The following SLC14A2 variants were observed in gnomAD, a reference collection of about 807,000 sequenced individuals.
SLC14A2 encodes urea transporter 2.
In SLC14A2, 91 loss-of-function variants were observed where a neutral mutation model predicts 104.6. The ratio of observed to expected loss-of-function variants is 0.87; its 90% confidence interval spans 0.73 to 1.04. SLC14A2 has a LOEUF of 1.04. Ranked by LOEUF, SLC14A2 falls within the 50% of genes least tolerant of loss-of-function variation. The pLI, the probability that SLC14A2 is intolerant of heterozygous loss-of-function variation, is 0.00. For missense variants in SLC14A2, 1,189 were observed against 1,156.0 expected (o/e 1.03, Z -0.41); for synonymous variants, 476 against 466.4 (o/e 1.02, Z -0.27).
intron 2 of SLC14A2, among the ~76,000 whole-genome samples, chr18:45,523,335 G>C (rs181187152): frequency 1.3e-5 from 2 of 150,670 alleles, no homozygotes; most frequent in African/African-American, 2.4e-5. Context: ...TTGTTTCTTT[G>C]TTTGTTTGTT....
intron 1 of SLC14A2, among the ~76,000 whole-genome samples, chr18:45,353,082 G>A (rs2085518571): frequency 6.6e-6 from 1 of 152,198 alleles, no homozygotes; most frequent in Non-Finnish European, 1.5e-5. Flanking sequence ...TGTGGCTGCT[G>A]GGATTGGCCA....
At chr18:45,442,277 C>T (rs924223404) in intron 1 of SLC14A2, among the ~76,000 whole-genome samples, 19 of 152,146 alleles carry the variant, frequency 1.2e-4, no homozygotes, top group Non-Finnish European at 2.1e-4. Flanking sequence ...CACAAAGTGC[C>T]GCAAACTGGA....
At chr18:45,668,064 G>A (rs758742804) in intron 14 of SLC14A2, 42 bp downstream of exon 14, 6 of 1,577,830 alleles carry the variant, frequency 3.8e-6, no homozygotes, top group East Asian at 2.2e-5. Context: ...TAGCCAAGAA[G>A]TCACTCCCCA....
intron 2 of SLC14A2, among the ~76,000 whole-genome samples, chr18:45,571,258 A>G (rs1040727668): frequency 1.3e-5 from 2 of 152,264 alleles, no homozygotes; most frequent in Non-Finnish European, 2.9e-5. Flanking sequence ...TATTTAATAA[A>G]TTCTTTGTGC....
At chr18:45,318,120 G>T (rs72906658) in intron 1 of SLC14A2, among the ~76,000 whole-genome samples, 1 of 152,166 alleles carries the variant, frequency 6.6e-6, no homozygotes, top group African/African-American at 2.4e-5. Context: ...ATTGAGACGC[G>T]CCTCTTTGGA....
intron 1 of SLC14A2, among the ~76,000 whole-genome samples, chr18:45,383,275 G>C (rs2085857924): frequency 6.6e-6 from 1 of 152,174 alleles, no homozygotes; most frequent in Non-Finnish European, 1.5e-5. Context: ...TCTATTCAGT[G>C]ATGCGCAGAA....
At chr18:45,537,065 CCCTTCCTT>C (rs1228820306) in intron 2 of SLC14A2, among the ~76,000 whole-genome samples, 8 of 97,648 alleles carry the variant, frequency 8.2e-5, no homozygotes, top group African/African-American at 2.4e-4. Context: ...CTCCCTCCCT[CCCTTCCTT>C]CCTTCCTTCC....
At chr18:45,374,891 A>C (rs565214674) in intron 1 of SLC14A2, among the ~76,000 whole-genome samples, 20 of 152,204 alleles carry the variant, frequency 1.3e-4, no homozygotes, top group Non-Finnish European at 2.9e-4. Context: ...TTTGTGAGTT[A>C]AGCTAAGACA....
intron 1 of SLC14A2, among the ~76,000 whole-genome samples, chr18:45,475,663 A>T (rs1424439360): frequency 4.9e-5 from 5 of 101,810 alleles, no homozygotes; most frequent in Non-Finnish European, 8.2e-5. Context: ...ATATATATAT[A>T]TATATATATA....
At chr18:45,419,513 C>A (rs1243646998) in intron 1 of SLC14A2, among the ~76,000 whole-genome samples, 2 of 152,162 alleles carry the variant, frequency 1.3e-5, no homozygotes, top group Non-Finnish European at 2.9e-5. Flanking sequence ...GTGGCTCATG[C>A]CTATAATCCC....
chr18:45,398,937 T>C (rs1395759266), intron 1 of SLC14A2, among the ~76,000 whole-genome samples: 1 of 152,238 alleles, frequency 6.6e-6, no homozygotes, highest in African/African-American at 2.4e-5. Flanking sequence ...GTACACATAC[T>C]TTATGTCATC....
At chr18:45,465,395 A>G (rs2087122331) in intron 1 of SLC14A2, among the ~76,000 whole-genome samples, 1 of 152,194 alleles carries the variant, frequency 6.6e-6, no homozygotes, top group South Asian at 2.1e-4. Context: ...GAAAGCAGCC[A>G]GGCTTGCCTC....
At chr18:45,416,250 CTTTTT>C (rs574818783) in intron 1 of SLC14A2, among the ~76,000 whole-genome samples, 1 of 125,224 alleles carries the variant, frequency 8.0e-6, no homozygotes, top group Non-Finnish European at 1.7e-5. Flanking sequence ...TTTTTGTTTC[CTTTTT>C]TTTTTTTTTT....
intron 1 of SLC14A2, among the ~76,000 whole-genome samples, chr18:45,235,845 ATG>A (rs1568113576): frequency 2.4e-3 from 237 of 100,494 alleles, no homozygotes; most frequent in Middle Eastern, 5.1e-3. Context: ...GTATATATAT[ATG>A]TATATATACA....
At chr18:45,310,308 A>G (rs1021756166) in intron 1 of SLC14A2, among the ~76,000 whole-genome samples, 3 of 152,246 alleles carry the variant, frequency 2.0e-5, no homozygotes, top group Non-Finnish European at 4.4e-5. Context: ...ACCAGCAGTC[A>G]CTGAAGGGTT....
intron 1 of SLC14A2, among the ~76,000 whole-genome samples, chr18:45,263,690 A>T (rs913643989): frequency 1.3e-5 from 2 of 152,046 alleles, no homozygotes; most frequent in Non-Finnish European, 2.9e-5. Context: ...ATCGGTTTAG[A>T]CTCATGGATA....
chr18:45,175,883 CTCTG>C, the SLC14A2 span, among the ~76,000 whole-genome samples: 4 of 152,264 alleles, frequency 2.6e-5, no homozygotes, highest in African/African-American at 7.2e-5. Flanking sequence ...TGACAAGTAG[CTCTG>C]TCTGTTATAA....
chr18:45,454,149 T>C (rs2086903255), intron 1 of SLC14A2, among the ~76,000 whole-genome samples: 1 of 152,274 alleles, frequency 6.6e-6, no homozygotes, highest in African/African-American at 2.4e-5. Context: ...TGAGCCACTG[T>C]ACCCAGCCCA....
intron 1 of SLC14A2, among the ~76,000 whole-genome samples, chr18:45,385,764 A>G (rs1277351492): frequency 1.3e-5 from 2 of 152,212 alleles, no homozygotes; most frequent in Non-Finnish European, 2.9e-5. Context: ...GAAAACCTTC[A>G]AAGTACACGG....
Sources: gnomAD v4.1 joint callset for allele counts (sites outside exome capture counted in the v4.1 genomes callset) on GRCh38, gnomAD v4.1.1 for gene constraint, MANE v1.5 for transcripts, NCBI Gene and HGNC (gene_info 2026-07-23, HGNC 2026-07-21) for gene names.